ZNF385D: variants seen among roughly 807,000 people sequenced by gnomAD.
ZNF385D encodes the protein zinc finger protein 659.
Under a neutral mutation model 35.8 loss-of-function variants are expected in ZNF385D, and 15 were observed. That is an observed-to-expected ratio of 0.42 (90% CI 0.28 to 0.64). The LOEUF is 0.64. Ranked by LOEUF, ZNF385D falls within the 30% of genes least tolerant of loss-of-function variation. The probability of loss-of-function intolerance (pLI) is 0.23; values close to 1 mark genes in which losing one functional copy is unlikely to be tolerated. For synonymous variants in ZNF385D, 212 were observed against 186.8 expected (o/e 1.13, Z -1.10); for missense variants, 474 against 494.6 (o/e 0.96, Z 0.39).
At chr3:21,441,685 C>A (rs1169184105) in intron 4 of ZNF385D, 2 of 985,306 alleles carry the variant, frequency 2.0e-6, no homozygotes, top group Non-Finnish European at 2.4e-6. Flanking sequence ...TCTCAACTAA[C>A]CTCTTGTGCA....
chr3:21,724,477 CAAAAAAAAA>C (rs200803155), intron 1 of ZNF385D, among the ~76,000 whole-genome samples: 208 of 51,964 alleles, frequency 4.0e-3, no homozygotes, highest in African/African-American at 0.03. Flanking sequence ...AATGGAAAGC[CAAAAAAAAA>C]AAAAAAAAAA....
At chr3:21,981,454 G>A (rs1315362869) in intron 3 of ZNF385D, among the ~76,000 whole-genome samples, 1 of 152,034 alleles carries the variant, frequency 6.6e-6, no homozygotes, top group Non-Finnish European at 1.5e-5. Flanking sequence ...CCTTATAGAT[G>A]CTGGATGTTA....
chr3:21,509,772 G>A (rs1211651674), intron 4 of ZNF385D, among the ~76,000 whole-genome samples: 1 of 152,170 alleles, frequency 6.6e-6, no homozygotes, highest in Non-Finnish European at 1.5e-5. Context: ...AGGGCAGCAT[G>A]ATGCATCTAC....
intron 3 of ZNF385D, among the ~76,000 whole-genome samples, chr3:22,050,572 G>A (rs1559334381): frequency 6.6e-6 from 1 of 152,124 alleles, no homozygotes; most frequent in Non-Finnish European, 1.5e-5. Flanking sequence ...AATTTTGGTA[G>A]ATTGTATGTA....
At chr3:21,648,984 T>A (rs1038986447) in intron 2 of ZNF385D, among the ~76,000 whole-genome samples, 2 of 152,164 alleles carry the variant, frequency 1.3e-5, no homozygotes, top group African/African-American at 2.4e-5. Flanking sequence ...CTACATTATA[T>A]ATCTAGTAAG....
At chr3:21,633,490 A>G (rs2065340572) in intron 2 of ZNF385D, among the ~76,000 whole-genome samples, 1 of 152,078 alleles carries the variant, frequency 6.6e-6, no homozygotes, top group South Asian at 2.1e-4. Context: ...AAAACCTTTA[A>G]TACACATATC....
chr3:21,651,271 G>C (rs1239540620), intron 2 of ZNF385D, among the ~76,000 whole-genome samples: 31 of 106,020 alleles, frequency 2.9e-4, no homozygotes, highest in African/African-American at 1.2e-3. Flanking sequence ...CTGGGCGACA[G>C]AGCGAGACTT....
chr3:21,518,858 T>G lies in ZNF385D; in HGVS notation c.277-7835A>C, dbSNP rs138113686. On this transcript the variant is annotated intron_variant, in intron 3 of 7. Transcript: ENST00000281523. The stretch of plus-strand genomic sequence containing the variant: ...ATGCAATGCAAGAAAAGACAGGATA[T>G]AGATATATTTATTTCTTAATTACAT... 4.8e-3 allele frequency among the ~76,000 whole-genome samples: 736 copies of G among 152,298 alleles called. 5 individuals are homozygous for G. Among genetic ancestry groups the G allele is most frequent in the South Asian group, 6.2e-3 (30 of 4,828 alleles).
chr3:21,717,371 C>T (rs1264753644), intron 1 of ZNF385D, among the ~76,000 whole-genome samples: 1 of 152,158 alleles, frequency 6.6e-6, no homozygotes, highest in East Asian at 1.9e-4. Flanking sequence ...AACTTACAGA[C>T]AGTATTTGGA....
intron 3 of ZNF385D, among the ~76,000 whole-genome samples, chr3:21,827,365 C>T (rs1173915981): frequency 6.6e-6 from 1 of 152,078 alleles, no homozygotes; most frequent in Non-Finnish European, 1.5e-5. Flanking sequence ...TATATATTAA[C>T]TGTATATATA....
intron 3 of ZNF385D, among the ~76,000 whole-genome samples, chr3:21,977,942 C>A (rs371160632): frequency 6.6e-6 from 1 of 152,140 alleles, no homozygotes; most frequent in African/African-American, 2.4e-5. Flanking sequence ...ACTGCCCCAC[C>A]AATTCTCTCC....
At chr3:22,107,919 GC>G (rs1702310089) in intron 3 of ZNF385D, among the ~76,000 whole-genome samples, 1 of 151,808 alleles carries the variant, frequency 6.6e-6, no homozygotes, top group South Asian at 2.1e-4. Flanking sequence ...AGGTGATTAG[GC>G]CGTGAGGACT....
chr3:21,779,743 C>T (rs1328006655), intron 3 of ZNF385D, among the ~76,000 whole-genome samples: 1 of 151,858 alleles, frequency 6.6e-6, no homozygotes, highest in African/African-American at 2.4e-5. Context: ...GAGGATGAAA[C>T]ACATTTCTAT....
At chr3:22,207,733 C>T (rs1180167520) in intron 2 of ZNF385D, among the ~76,000 whole-genome samples, 1 of 151,886 alleles carries the variant, frequency 6.6e-6, no homozygotes, top group African/African-American at 2.4e-5. Flanking sequence ...AGAGCTCAAA[C>T]AACTCTACAG....
intron 3 of ZNF385D, among the ~76,000 whole-genome samples, chr3:22,022,032 A>G (rs905290332): frequency 6.6e-6 from 1 of 152,100 alleles, no homozygotes; most frequent in Non-Finnish European, 1.5e-5. Flanking sequence ...TACGTGGTTA[A>G]CAGCACTGAA....
chr3:21,686,195 G>C (rs542637580), intron 1 of ZNF385D, among the ~76,000 whole-genome samples: 1 of 152,126 alleles, frequency 6.6e-6, no homozygotes, highest in African/African-American at 2.4e-5. Flanking sequence ...TTAGGAAAGT[G>C]TACAAATGTG....
intron 4 of ZNF385D, among the ~76,000 whole-genome samples, chr3:21,469,019 C>G (rs1204002469): frequency 6.6e-6 from 1 of 152,042 alleles, no homozygotes; most frequent in Non-Finnish European, 1.5e-5. Context: ...TAGTGATTGC[C>G]TCTGTGTGGG....
At chr3:21,741,801 C>A (rs985003648) in intron 1 of ZNF385D, among the ~76,000 whole-genome samples, 1 of 152,154 alleles carries the variant, frequency 6.6e-6, no homozygotes, top group Admixed American at 6.5e-5. Context: ...TAGAGTCTTG[C>A]AGGGGAAAGA....
At chr3:21,897,149 C>T (rs1699179492) in intron 3 of ZNF385D, among the ~76,000 whole-genome samples, 1 of 152,126 alleles carries the variant, frequency 6.6e-6, no homozygotes, top group Admixed American at 6.6e-5. Context: ...TTCGACTCTG[C>T]TAGTTTGGAG....
Sources: allele counts gnomAD v4.1 joint callset (sites outside exome capture counted in the v4.1 genomes callset), GRCh38; gene constraint gnomAD v4.1.1; transcripts MANE v1.5; gene names NCBI Gene and HGNC (gene_info 2026-07-23, HGNC 2026-07-21).